ADCY2: variants seen among roughly 807,000 people sequenced by gnomAD.
ADCY2 encodes the protein adenylate cyclase type 2.
Under a neutral mutation model 125.2 loss-of-function variants are expected in ADCY2, and 31 were observed. The ratio of observed to expected loss-of-function variants is 0.25; its 90% CI spans 0.19 to 0.33. The LOEUF is 0.33. ADCY2 is among the 10% of genes least tolerant of loss of function. The pLI is 1.00. For missense variants in ADCY2, 904 were observed against 1,418.2 expected (o/e 0.64, Z 5.82); for synonymous variants, 512 against 548.4 (o/e 0.93, Z 0.93).
intron 4 of ADCY2, among the ~76,000 whole-genome samples, chr5:7,639,066 A>T (rs145954497): frequency 2.6e-5 from 4 of 152,108 alleles, no homozygotes; most frequent in Non-Finnish European, 5.9e-5. Context: ...GCCACGTGGA[A>T]CTGTAAGTCC....
chr5:7,413,898 G>A (rs1365239346), intron 1 of ADCY2, among the ~76,000 whole-genome samples: 1 of 152,148 alleles, frequency 6.6e-6, no homozygotes, highest in African/African-American at 2.4e-5. Context: ...AAATACATTA[G>A]TAAGAAGTGA....
Position 7,827,608 on chromosome 5 carries a change from A to T in ADCY2, c.*737A>T, listed in dbSNP as rs1745531677. On this transcript the variant is annotated 3_prime_UTR_variant, in exon 25 of 25. Transcript: ENST00000338316. ...GCTCCAGAATTAAGGTTTGTTTTCC[A>T]TCCATTCTCCCTTTTGACACAGTTG... 6.6e-6 allele frequency: 1 copy of T among 152,290 alleles called. No homozygotes were observed. The highest frequency in any genetic ancestry group is 2.4e-5 in the African/African-American group (1 of 41,398). The allele number at this position is 152,290 out of a possible 1,614,324, so 9.4% of individuals were successfully genotyped here.
At chr5:7,510,177 A>G (rs1382226267) in intron 2 of ADCY2, among the ~76,000 whole-genome samples, 1 of 152,224 alleles carries the variant, frequency 6.6e-6, no homozygotes, top group African/African-American at 2.4e-5. Context: ...TTTTATTTTA[A>G]AATCAACTTG....
rs1257329323 is a variant in ADCY2, at chr5:7,827,565, T to C, written c.*694T>C. 6.6e-6 allele frequency: 1 copy of C among 152,412 alleles called. No individual in the cohort carries two copies. Among genetic ancestry groups the C allele is most frequent in the Non-Finnish European group, 1.5e-5 (1 of 68,046 alleles). 9.4% of individuals were successfully genotyped at this position (152,412 alleles called of 1,614,324 possible). On this transcript the variant is annotated 3_prime_UTR_variant, in exon 25 of 25. Transcript: ENST00000338316. ...TGCCTGTATCTTTTATTTTCCTGTC[T>C]TCTTTCTCCTGTGGTTTGCTCCAGA...
At chr5:7,738,887 C>T (rs1742328463) in intron 14 of ADCY2, among the ~76,000 whole-genome samples, 1 of 151,830 alleles carries the variant, frequency 6.6e-6, no homozygotes, top group Non-Finnish European at 1.5e-5. Flanking sequence ...GATATGAAAG[C>T]ACTTAACCTA....
chr5:7,538,064 TC>T (rs1030360451), intron 3 of ADCY2, among the ~76,000 whole-genome samples: 1 of 152,208 alleles, frequency 6.6e-6, no homozygotes, highest in African/African-American at 2.4e-5. Flanking sequence ...GGACTCTCTT[TC>T]CTGACTCCAT....
intron 15 of ADCY2, among the ~76,000 whole-genome samples, chr5:7,748,058 C>T (rs1413715845): frequency 6.6e-6 from 1 of 152,178 alleles, no homozygotes; most frequent in Non-Finnish European, 1.5e-5. Flanking sequence ...CTGGGCCTGG[C>T]ATCCTGATGT....
chr5:7,571,948 G>T (rs1047687634), intron 3 of ADCY2, among the ~76,000 whole-genome samples: 1 of 152,124 alleles, frequency 6.6e-6, no homozygotes, highest in African/African-American at 2.4e-5. Context: ...CTTCATCCAT[G>T]TCCCTGCAAA....
intron 1 of ADCY2, among the ~76,000 whole-genome samples, chr5:7,410,456 T>C (rs1466846812): frequency 2.0e-5 from 3 of 152,114 alleles, no homozygotes; most frequent in Non-Finnish European, 4.4e-5. Flanking sequence ...GGGTATTTAA[T>C]AGGCCTGGCA....
At chr5:7,646,852 G>A (rs1401441775) in intron 4 of ADCY2, among the ~76,000 whole-genome samples, 3 of 152,100 alleles carry the variant, frequency 2.0e-5, no homozygotes, top group Non-Finnish European at 2.9e-5. Context: ...GAGAATTACC[G>A]GGTTTTCGAG....
chr5:7,776,295 A>C (rs1743724691), intron 18 of ADCY2, among the ~76,000 whole-genome samples: 1 of 151,048 alleles, frequency 6.6e-6, no homozygotes, highest in Admixed American at 6.6e-5. Flanking sequence ...GAGCTGGCTC[A>C]CAGGACGGCC....
intron 4 of ADCY2, among the ~76,000 whole-genome samples, chr5:7,629,422 T>G (rs1303071440): frequency 6.6e-6 from 1 of 152,190 alleles, no homozygotes; most frequent in East Asian, 1.9e-4. Context: ...TTTTGTGATA[T>G]TTTTCAGATG....
intron 22 of ADCY2, among the ~76,000 whole-genome samples, chr5:7,815,226 C>A (rs1745071863): frequency 6.6e-6 from 1 of 152,202 alleles, no homozygotes; most frequent in African/African-American, 2.4e-5. Flanking sequence ...TCTTCTTTGT[C>A]AGGGACTTTA....
intron 12 of ADCY2, among the ~76,000 whole-genome samples, chr5:7,721,726 G>T (rs377497292): frequency 2.8e-4 from 43 of 152,296 alleles, no homozygotes; most frequent in African/African-American, 1.0e-3. Context: ...TATTATTTCT[G>T]AGGGCTCTGT....
intron 4 of ADCY2, chr5:7,653,916 G>A (rs915638674): frequency 1.6e-5 from 5 of 310,628 alleles, no homozygotes; most frequent in African/African-American, 8.7e-5. Context: ...GTCAGTTTGG[G>A]GGCAGATTAA....
chr5:7,826,828 C>T lies in ADCY2; in HGVS notation c.3233C>T (p.Thr1078Ile). ...GACCTGAAGACGTACTTTGTAAACA[C>T]AGAAATGTCAAGGTCCCTTTCCCAG... ...KGDLKTYFVNTEMSRSLSQSN... is the reference protein window; with the variant it reads ...KGDLKTYFVNIEMSRSLSQSN... Residue 1078 changes from threonine (T) to isoleucine (I), a missense_variant, in exon 25 of 25, where the codon ACA becomes ATA. Physicochemically the swap from Thr to Ile is moderately conservative, Grantham distance 89. Coordinates refer to ENST00000338316, the MANE Select transcript of ADCY2 (RefSeq NM_020546.3). 1.2e-6 allele frequency: 2 copies of T among 1,613,810 alleles called. No homozygotes were observed. The highest frequency in any genetic ancestry group is 1.7e-6 in the Non-Finnish European group (2 of 1,179,924).
At chr5:7,558,159 T>G (rs1232948101) in intron 3 of ADCY2, among the ~76,000 whole-genome samples, 1 of 152,078 alleles carries the variant, frequency 6.6e-6, no homozygotes, top group African/African-American at 2.4e-5. Flanking sequence ...TTTAAGTGAT[T>G]CTTGTGCCTC....
At chr5:7,579,480 C>T (rs1736356327) in intron 3 of ADCY2, among the ~76,000 whole-genome samples, 1 of 152,000 alleles carries the variant, frequency 6.6e-6, no homozygotes. Flanking sequence ...AAACTCTACA[C>T]CTGAGACTGG....
At chr5:7,618,248 A>G (rs1364998426) in intron 3 of ADCY2, among the ~76,000 whole-genome samples, 3 of 152,192 alleles carry the variant, frequency 2.0e-5, no homozygotes, top group Non-Finnish European at 4.4e-5. Flanking sequence ...GTCAATGTTT[A>G]GGCCCATATC....
Sources: allele counts gnomAD v4.1 joint callset (sites outside exome capture counted in the v4.1 genomes callset), GRCh38; gene constraint gnomAD v4.1.1; transcripts MANE v1.5; gene names NCBI Gene and HGNC (gene_info 2026-07-23, HGNC 2026-07-21).